RARB: variants seen among roughly 807,000 people sequenced by gnomAD.
RARB encodes the protein HBV-activated protein.
Under a neutral mutation model 51.9 loss-of-function variants are expected in RARB, and 17 were observed. That is an observed-to-expected ratio of 0.33 (90% CI 0.22 to 0.49). The LOEUF is 0.49. Among genes scored for constraint, RARB ranks in the 20% least tolerant of loss-of-function variants. The pLI, the probability that RARB is intolerant of heterozygous loss-of-function variation, is 0.99. For missense variants in RARB, 369 were observed against 550.8 expected (o/e 0.67, Z 3.30); for synonymous variants, 215 against 195.4 (o/e 1.10, Z -0.84).
At chr3:25,530,916 A>G (rs1009684251) in intron 3 of RARB, among the ~76,000 whole-genome samples, 1 of 152,208 alleles carries the variant, frequency 6.6e-6, no homozygotes, top group East Asian at 1.9e-4. Flanking sequence ...TCCTGGTTTC[A>G]GGATCATATG....
rs375849907 is a variant in RARB, at chr3:25,577,137, G to A, written c.610-3409G>A. ...GAGGAACCAGTAGGGAGGGGGTGACGTGGTGCACTGGTGGGAAGCCTAAAC... is the reference window on the plus strand; with the variant it reads ...GAGGAACCAGTAGGGAGGGGGTGACATGGTGCACTGGTGGGAAGCCTAAAC... On this transcript the variant is annotated intron_variant, in intron 4 of 7. Transcript: ENST00000330688. Among the ~76,000 whole-genome samples the A allele has an allele frequency of 1.8e-4, 28 of 152,302 alleles. 1 individual carries two copies. The highest frequency in any genetic ancestry group is 2.9e-4 in the African/African-American group (12 of 41,568).
intron 2 of RARB, among the ~76,000 whole-genome samples, chr3:25,017,008 T>C (rs777601123): frequency 2.0e-5 from 3 of 152,142 alleles, no homozygotes; most frequent in African/African-American, 7.2e-5. Flanking sequence ...TCATTTCCAC[T>C]GTGTATTGTT....
At chr3:25,468,185 C>A (rs1695523564) in intron 2 of RARB, among the ~76,000 whole-genome samples, 1 of 152,112 alleles carries the variant, frequency 6.6e-6, no homozygotes, top group South Asian at 2.1e-4. Flanking sequence ...AGCAAATCCA[C>A]AAGTTTGAAC....
chr3:25,398,504 T>G (rs1234726930), intron 5 of RARB, among the ~76,000 whole-genome samples: 2 of 152,208 alleles, frequency 1.3e-5, no homozygotes, highest in African/African-American at 4.8e-5. Context: ...TTTGAAATAT[T>G]GCTGGCATAT....
chr3:25,540,154 G>A (rs1699318313), intron 3 of RARB, among the ~76,000 whole-genome samples: 1 of 152,066 alleles, frequency 6.6e-6, no homozygotes, highest in African/African-American at 2.4e-5. Flanking sequence ...TTTATTTATT[G>A]ACCCAGTGAT....
chr3:24,932,669 G>A (rs185840348), intron 2 of RARB, among the ~76,000 whole-genome samples: 2 of 152,194 alleles, frequency 1.3e-5, no homozygotes, highest in East Asian at 1.9e-4. Context: ...AGAAAAAACT[G>A]AGGGCCAATA....
At chr3:25,473,418 G>A (rs1695796624) in intron 2 of RARB, among the ~76,000 whole-genome samples, 1 of 152,122 alleles carries the variant, frequency 6.6e-6, no homozygotes, top group Non-Finnish European at 1.5e-5. Flanking sequence ...GGCCCCATTA[G>A]AGCCTTGTTT....
At chr3:25,366,946 T>G (rs1479228581) in intron 5 of RARB, among the ~76,000 whole-genome samples, 1 of 151,896 alleles carries the variant, frequency 6.6e-6, no homozygotes, top group African/African-American at 2.4e-5. Flanking sequence ...TCCTCAGGAT[T>G]GTAGCAACAG....
At chr3:25,281,244 G>C (rs1204741798) in intron 5 of RARB, among the ~76,000 whole-genome samples, 1 of 152,130 alleles carries the variant, frequency 6.6e-6, no homozygotes, top group Non-Finnish European at 1.5e-5. Flanking sequence ...TTTCACCCTG[G>C]GAACAGTTTA....
At chr3:24,829,586 G>A (rs924049600) in intron 1 of RARB, among the ~76,000 whole-genome samples, 1 of 152,220 alleles carries the variant, frequency 6.6e-6, no homozygotes, top group South Asian at 2.1e-4. Flanking sequence ...GGGTTGGGGG[G>A]TCTGCAGCGG....
rs1702712696 is a variant in RARB at position 24,859,814 on chromosome 3, T to C, written c.-380+1062T>C. Among the ~76,000 whole-genome samples, 4 of 152,318 alleles carry C rather than the reference T, an allele frequency of 2.6e-5. No individual in the cohort carries two copies. The South Asian group carries it at 8.3e-4, about 32-fold the overall frequency. ...TGACTCAATTCTGCCATTGTAGCAA[T>C]AAAGCAGCCCTGGATAAGATGCAAA... On this transcript the variant is annotated intron_variant, in intron 2 of 11. Transcript: ENST00000383772.
At chr3:25,538,099 G>A (rs1285181811) in intron 3 of RARB, among the ~76,000 whole-genome samples, 1 of 152,026 alleles carries the variant, frequency 6.6e-6, no homozygotes, top group African/African-American at 2.4e-5. Context: ...AAGCAATGGT[G>A]TTTCCCAGTA....
intron 5 of RARB, among the ~76,000 whole-genome samples, chr3:25,261,758 A>G (rs1316750191): frequency 1.3e-5 from 2 of 152,152 alleles, no homozygotes; most frequent in Non-Finnish European, 2.9e-5. Context: ...CACCTACTCT[A>G]GAAATGCAGA....
intron 1 of RARB, among the ~76,000 whole-genome samples, chr3:25,442,099 T>TTTTAA (rs767891844): frequency 0.14 from 20,673 of 150,186 alleles, 1,704 homozygotes; most frequent in Non-Finnish European, 0.19. Flanking sequence ...GGAAGTGACT[T>TTTTAA]TTTAATTTTA....
chr3:25,498,914 G>A (rs1192917407), intron 2 of RARB, among the ~76,000 whole-genome samples: 1 of 152,006 alleles, frequency 6.6e-6, no homozygotes, highest in Non-Finnish European at 1.5e-5. Context: ...TGACCACTCT[G>A]CACAGATTCT....
At chr3:25,533,724 AT>A (rs2125646464) in intron 3 of RARB, among the ~76,000 whole-genome samples, 1 of 152,358 alleles carries the variant, frequency 6.6e-6, no homozygotes, top group East Asian at 1.9e-4. Flanking sequence ...CTATTAGACA[AT>A]GCTAAATGAA....
chr3:24,942,820 G>A (rs1192138874), intron 2 of RARB, among the ~76,000 whole-genome samples: 1 of 152,022 alleles, frequency 6.6e-6, no homozygotes, highest in Non-Finnish European at 1.5e-5. Flanking sequence ...TTAACTTATG[G>A]ATTCAATATC....
chr3:25,430,350 T>C (rs1441376852), intron 1 of RARB, among the ~76,000 whole-genome samples: 1 of 152,244 alleles, frequency 6.6e-6, no homozygotes, highest in African/African-American at 2.4e-5. Context: ...CTGTCCTCTT[T>C]GTAGCAATTA....
chr3:25,461,231 C>T lies in RARB; in HGVS notation c.196C>T (p.Pro66Ser). 6.2e-7 allele frequency: 1 copy of T among 1,613,838 alleles called. No individual in the cohort carries two copies. The highest frequency in any genetic ancestry group is 8.5e-7 in the Non-Finnish European group (1 of 1,179,910). The change falls in exon 2 of 8, where the codon CCA (proline) becomes TCA (serine). Residue 66 changes from proline to serine, a missense_variant. Pro to Ser is a moderately conservative substitution (Grantham distance 74, BLOSUM62 -1). Around this residue, in one of 9 missense-constraint regions of RARB, gnomAD observed 99 missense variants for 95.1 expected, o/e 1.04. Coordinates refer to ENST00000330688, the MANE Select transcript of RARB (RefSeq NM_000965.5). Reference protein sequence around the residue: ...TQSTSSEELVPSPPSPLPPPR... With the variant: ...TQSTSSEELVSSPPSPLPPPR... ...GAGCACCAGCTCTGAGGAACTCGTC[C>T]CAAGCCCCCCATCTCCACTTCCTCC...
Sources: allele counts gnomAD v4.1 joint callset (sites outside exome capture counted in the v4.1 genomes callset), GRCh38; gene constraint gnomAD v4.1.1; regional missense constraint gnomAD v4.1.1; transcripts MANE v1.5; gene names NCBI Gene and HGNC (gene_info 2026-07-23, HGNC 2026-07-21).